Variants in CNTN4 observed in about 807,000 individuals in gnomAD.
CNTN4 encodes the protein contactin-4.
A neutral mutation model predicts 122.5 loss-of-function variants in CNTN4; 77 were observed. The observed-to-expected ratio is 0.63, with a 90% CI of 0.52 to 0.76. The LOEUF (loss-of-function observed/expected upper bound fraction) is 0.76, where lower values mean the gene tolerates loss of function less well. Ranked by LOEUF, CNTN4 falls within the 30% of genes least tolerant of loss-of-function variation. CNTN4 has a pLI of 0.00. For synonymous variants in CNTN4, 512 were observed against 447.0 expected, an observed-to-expected ratio of 1.15 and a Z score of -1.83; for missense variants, 1,256 against 1,259.1, an observed-to-expected ratio of 1.00 and a Z score of 0.04.
intron 4 of CNTN4, among the ~76,000 whole-genome samples, chr3:2,633,845 G>A (rs2082545412): frequency 6.6e-6 from 1 of 152,104 alleles, no homozygotes; most frequent in African/African-American, 2.4e-5. Flanking sequence ...TCACTTGTCA[G>A]GAAATAAAAG....
intron 3 of CNTN4, among the ~76,000 whole-genome samples, chr3:2,548,493 G>A (rs2149343835): frequency 6.6e-6 from 1 of 152,112 alleles, no homozygotes; most frequent in South Asian, 2.1e-4. Context: ...GTAGATGTGT[G>A]GTATTATTTC....
At chr3:3,038,755 A>G (rs1039736078) in intron 18 of CNTN4, among the ~76,000 whole-genome samples, 178 bp from the exon 19 acceptor site, 1 of 151,586 alleles carries the variant, frequency 6.6e-6, no homozygotes, top group African/African-American at 2.4e-5. Context: ...TCCTTGGTAC[A>G]TTTCACTTCC....
chr3:2,680,458 A>G (rs2085104130), intron 4 of CNTN4, among the ~76,000 whole-genome samples: 1 of 152,180 alleles, frequency 6.6e-6, no homozygotes, highest in African/African-American at 2.4e-5. Context: ...CTTTCTGTAC[A>G]CTGTTGGCAG....
At chr3:2,289,150 A>G (rs1164219480) in intron 2 of CNTN4, among the ~76,000 whole-genome samples, 2 of 152,238 alleles carry the variant, frequency 1.3e-5, no homozygotes, top group Non-Finnish European at 2.9e-5. Flanking sequence ...CCTATCATAC[A>G]TTCGCTTTAG....
chr3:2,516,163 G>C (rs966303383), intron 3 of CNTN4, among the ~76,000 whole-genome samples: 16 of 151,654 alleles, frequency 1.1e-4, no homozygotes, highest in Non-Finnish European at 7.4e-5. Flanking sequence ...GAACTTGTAG[G>C]CTATATTTGA....
At chr3:3,011,487 T>G (rs10514651) in intron 14 of CNTN4, among the ~76,000 whole-genome samples, 10,080 of 152,242 alleles carry the variant, frequency 0.066, 535 homozygotes, top group Non-Finnish European at 0.089. Flanking sequence ...TTGATGTCAT[T>G]CTAGGGATCG....
At position 2,994,235 on chromosome 3, in the gene CNTN4, T is replaced by A. The variant is rs78962292; in HGVS notation, c.1486+5763T>A. Reference sequence around the variant, plus strand: ...TCTTCCTCTAATAGCAATTTTTTTTTATTTTGAAATTGACTATATAAAGTT... The same window carrying A: ...TCTTCCTCTAATAGCAATTTTTTTTAATTTTGAAATTGACTATATAAAGTT... On this transcript the variant is annotated intron_variant, in intron 14 of 24. Coordinates refer to ENST00000418658, the MANE Select transcript of CNTN4 (RefSeq NM_175607.3). Among the ~76,000 whole-genome samples, 1,005 of 152,198 alleles carry A rather than the reference T, an allele frequency of 6.6e-3. 11 individuals are homozygous for A. Among genetic ancestry groups the A allele is most frequent in the African/African-American group, 0.022 (921 of 41,494 alleles).
chr3:2,843,273 C>A (rs1370496042), intron 7 of CNTN4, among the ~76,000 whole-genome samples: 2 of 152,066 alleles, frequency 1.3e-5, no homozygotes. Flanking sequence ...TCCATGCCAC[C>A]ATTCAATCTG....
intron 13 of CNTN4, among the ~76,000 whole-genome samples, chr3:2,954,479 A>G (rs1014442577): frequency 3.3e-5 from 5 of 151,298 alleles, no homozygotes; most frequent in Non-Finnish European, 7.4e-5. Flanking sequence ...TTGCAATTAT[A>G]TTTATCAGTT....
At chr3:2,278,547 T>C (rs1188005902) in intron 2 of CNTN4, among the ~76,000 whole-genome samples, 1 of 152,212 alleles carries the variant, frequency 6.6e-6, no homozygotes, top group East Asian at 1.9e-4. Flanking sequence ...GAAGCAGTCA[T>C]GCTTAGTTGT....
intron 3 of CNTN4, among the ~76,000 whole-genome samples, chr3:2,528,465 G>T (rs997136903): frequency 6.6e-6 from 1 of 152,062 alleles, no homozygotes; most frequent in African/African-American, 2.4e-5. Flanking sequence ...AAAACAACTA[G>T]ATGCTAAAAT....
At chr3:2,406,457 G>T (rs1432477924) in intron 3 of CNTN4, among the ~76,000 whole-genome samples, 1 of 152,200 alleles carries the variant, frequency 6.6e-6, no homozygotes, top group Non-Finnish European at 1.5e-5. Context: ...AGAAGAGGAT[G>T]TTAGTGAAAC....
intron 3 of CNTN4, among the ~76,000 whole-genome samples, chr3:2,476,319 C>T (rs2075833179): frequency 6.6e-6 from 1 of 152,266 alleles, no homozygotes; most frequent in African/African-American, 2.4e-5. Context: ...GGCGTTTCCA[C>T]TGCAGGATCT....
At chr3:2,383,125 TA>T (rs2046093765) in intron 3 of CNTN4, among the ~76,000 whole-genome samples, 1 of 151,914 alleles carries the variant, frequency 6.6e-6, no homozygotes, top group Non-Finnish European at 1.5e-5. Flanking sequence ...TTGAGGACCT[TA>T]ATATGTCTGA....
At chr3:2,884,704 G>C (rs939341487) in intron 9 of CNTN4, among the ~76,000 whole-genome samples, 3 of 152,140 alleles carry the variant, frequency 2.0e-5, no homozygotes, top group African/African-American at 7.2e-5. Context: ...ATATACATTT[G>C]ATGAATTTTT....
At chr3:2,241,250 A>C (rs2039923720) in intron 2 of CNTN4, among the ~76,000 whole-genome samples, 1 of 152,230 alleles carries the variant, frequency 6.6e-6, no homozygotes, top group Non-Finnish European at 1.5e-5. Context: ...AAAGTTGTAG[A>C]TATCATAATT....
chr3:2,574,130 C>A (rs374437669), intron 4 of CNTN4, among the ~76,000 whole-genome samples: 1 of 152,264 alleles, frequency 6.6e-6, no homozygotes, highest in South Asian at 2.1e-4. Context: ...GCAGGAGAAT[C>A]GCCTGAACCT....
chr3:2,667,668 C>G (rs6781776), intron 4 of CNTN4, among the ~76,000 whole-genome samples: 1 of 106,092 alleles, frequency 9.4e-6, no homozygotes, highest in Non-Finnish European at 1.9e-5. Context: ...TCCTTGCCCA[C>G]GCCTATGTCC....
chr3:3,041,913 T>C (rs1192006292), intron 20 of CNTN4, among the ~76,000 whole-genome samples: 1 of 152,178 alleles, frequency 6.6e-6, no homozygotes, highest in Non-Finnish European at 1.5e-5. Context: ...GAGCCATGAT[T>C]GTGCCACTAC....
Sources: allele counts gnomAD v4.1 joint callset (sites outside exome capture counted in the v4.1 genomes callset), GRCh38; gene constraint gnomAD v4.1.1; transcripts MANE v1.5; gene names NCBI Gene and HGNC (gene_info 2026-07-23, HGNC 2026-07-21).